The following GALNTL6 variants were observed in gnomAD, a reference collection of about 807,000 sequenced individuals.
GALNTL6 encodes polypeptide N-acetylgalactosaminyltransferase like 6, also known as polypeptide N-acetylgalactosaminyltransferase-like 6.
Under a neutral mutation model 73.7 loss-of-function variants are expected in GALNTL6, and 46 were observed. The observed-to-expected ratio is 0.62, with a 90% confidence interval of 0.49 to 0.80. The LOEUF is 0.80. Among genes scored for constraint, GALNTL6 ranks in the 30% least tolerant of loss-of-function variants. The probability of loss-of-function intolerance (pLI) is 0.00; values close to 1 mark genes in which losing one functional copy is unlikely to be tolerated. For missense variants in GALNTL6, 604 were observed against 755.0 expected, an observed-to-expected ratio of 0.80 and a Z score of 2.34; for synonymous variants, 259 against 263.7, an observed-to-expected ratio of 0.98 and a Z score of 0.17.
intron 7 of GALNTL6, among the ~76,000 whole-genome samples, chr4:172,824,370 GTGTGTGAGTGTGTGTGTGTGTGTGTT>G (rs1221505882): frequency 1.1e-5 from 1 of 90,726 alleles, no homozygotes; most frequent in Admixed American, 1.3e-4. Context: ...TAGTGTGTGT[GTGTGTGAGTGTGTGTGTGTGTGTGTT>G]TGTGTGTGTG....
rs574032811 is a variant in GALNTL6 at position 172,744,527 on chromosome 4, A to G, written c.554-64834A>G. 8.5e-5 allele frequency among the ~76,000 whole-genome samples: 13 copies of G among 152,266 alleles called. No homozygotes were observed. The South Asian group carries it at 1.0e-3, about 12-fold the overall frequency. On this transcript the variant is annotated intron_variant, in intron 5 of 12. Coordinates refer to ENST00000506823, the MANE Select transcript of GALNTL6 (RefSeq NM_001034845.3). ...ACTCTCTATTGTGATGACTCAAATC[A>G]GGGTTCTGGTCACCAGATCTAGAAG...
chr4:172,815,638 C>G (rs866600727), intron 7 of GALNTL6, among the ~76,000 whole-genome samples: 1 of 152,200 alleles, frequency 6.6e-6, no homozygotes, highest in Non-Finnish European at 1.5e-5. Flanking sequence ...CCTGCACTGA[C>G]AGTCAACATT....
chr4:172,501,345 A>T (rs1734253797), intron 5 of GALNTL6, among the ~76,000 whole-genome samples: 2 of 152,234 alleles, frequency 1.3e-5, no homozygotes, highest in South Asian at 4.1e-4. Context: ...TTAATCAAAA[A>T]TTTCAAACAT....
At chr4:172,993,439 C>T (rs570395422) in intron 10 of GALNTL6, among the ~76,000 whole-genome samples, 2 of 152,190 alleles carry the variant, frequency 1.3e-5, no homozygotes, top group Non-Finnish European at 2.9e-5. Context: ...TAGCTATATA[C>T]CAAAACCATT....
chr4:172,033,620 A>G (rs758655974), intron 2 of GALNTL6, among the ~76,000 whole-genome samples: 15 of 152,074 alleles, frequency 9.9e-5, no homozygotes, highest in Non-Finnish European at 1.8e-4. Flanking sequence ...TTATTTTTAT[A>G]TTTTAAAATA....
At chr4:172,691,313 G>A (rs1733274458) in intron 5 of GALNTL6, among the ~76,000 whole-genome samples, 1 of 152,156 alleles carries the variant, frequency 6.6e-6, no homozygotes, top group Admixed American at 6.5e-5. Flanking sequence ...ATAAGGTTGA[G>A]AAAACCATGG....
At chr4:172,405,852 T>C (rs1744221224) in intron 5 of GALNTL6, among the ~76,000 whole-genome samples, 1 of 152,032 alleles carries the variant, frequency 6.6e-6, no homozygotes, top group African/African-American at 2.4e-5. Flanking sequence ...CTTAACAGTT[T>C]AGTACATTGC....
At chr4:171,986,195 C>A (rs1011486455) in intron 2 of GALNTL6, among the ~76,000 whole-genome samples, 1 of 151,094 alleles carries the variant, frequency 6.6e-6, no homozygotes, top group African/African-American at 2.4e-5. Context: ...GGGCTGAGTC[C>A]GAAAAGAGAG....
intron 2 of GALNTL6, among the ~76,000 whole-genome samples, chr4:172,203,354 A>C (rs1315263046): frequency 6.6e-6 from 1 of 152,216 alleles, no homozygotes; most frequent in Non-Finnish European, 1.5e-5. Flanking sequence ...AATACTTGTC[A>C]AATTTGGCAG....
chr4:172,951,963 A>T, intron 9 of GALNTL6, 74 bp from the exon 10 acceptor site: 2 of 1,275,890 alleles, frequency 1.6e-6, no homozygotes, highest in Admixed American at 4.3e-5. Flanking sequence ...TCTTTTTTCA[A>T]TTTCTGGTGC....
rs140122309 is a variant in GALNTL6, at chr4:172,866,812, A to G, written c.924-15978A>G. Reference sequence around the variant, plus strand: ...CCCTAACAAGCACATTTTTCTCTAGACCATTTTCCCTGACCCACATTCCTG... The same window carrying G: ...CCCTAACAAGCACATTTTTCTCTAGGCCATTTTCCCTGACCCACATTCCTG... On this transcript the variant is annotated intron_variant, in intron 7 of 12. Coordinates refer to ENST00000506823, the MANE Select transcript of GALNTL6 (RefSeq NM_001034845.3). Among the ~76,000 whole-genome samples the G allele has an allele frequency of 2.9e-3, 434 of 152,174 alleles. 2 individuals carry two copies. The highest frequency in any genetic ancestry group is 0.01 in the Middle Eastern group (3 of 294).
At chr4:172,306,315 G>T (rs909491910) in intron 3 of GALNTL6, among the ~76,000 whole-genome samples, 1 of 152,068 alleles carries the variant, frequency 6.6e-6, no homozygotes, top group Non-Finnish European at 1.5e-5. Context: ...CTTGAACTTG[G>T]GAGGTGCAGC....
intron 4 of GALNTL6, among the ~76,000 whole-genome samples, chr4:172,326,402 A>G (rs1740943580): frequency 6.6e-6 from 1 of 151,944 alleles, no homozygotes; most frequent in African/African-American, 2.4e-5. Context: ...GTGCATAAAC[A>G]TTTTGGATTG....
At chr4:172,045,683 T>C (rs1742198530) in intron 2 of GALNTL6, among the ~76,000 whole-genome samples, 1 of 151,822 alleles carries the variant, frequency 6.6e-6, no homozygotes. Flanking sequence ...TCTCCATATT[T>C]ATAGGCAGTT....
chr4:172,283,721 A>G (rs368725378), intron 3 of GALNTL6, among the ~76,000 whole-genome samples: 1 of 152,204 alleles, frequency 6.6e-6, no homozygotes, highest in Non-Finnish European at 1.5e-5. Context: ...CCATATTTCT[A>G]ATGGAAATGT....
chr4:172,401,930 A>C (rs1333156014), intron 5 of GALNTL6, among the ~76,000 whole-genome samples: 5 of 94,904 alleles, frequency 5.3e-5, no homozygotes, highest in Non-Finnish European at 1.0e-4. Context: ...GGAGAGAGGG[A>C]GAGAGGGGGA....
intron 2 of GALNTL6, among the ~76,000 whole-genome samples, chr4:171,931,414 T>C (rs1738181350): frequency 6.6e-6 from 1 of 152,174 alleles, no homozygotes; most frequent in South Asian, 2.1e-4. Context: ...TGCAGACACA[T>C]AGAAAAGTAT....
At chr4:172,606,012 GC>G (rs5864142) in intron 5 of GALNTL6, among the ~76,000 whole-genome samples, 69,479 of 151,662 alleles carry the variant, frequency 0.46, 17,717 homozygotes, top group East Asian at 0.68. Context: ...GTGTATGTGG[GC>G]CCCCAGTCCA....
At chr4:172,769,288 A>T (rs1029309012) in intron 5 of GALNTL6, among the ~76,000 whole-genome samples, 1 of 152,182 alleles carries the variant, frequency 6.6e-6, no homozygotes, top group African/African-American at 2.4e-5. Flanking sequence ...AAGATATTTT[A>T]AAGATATTTT....
Sources: allele counts gnomAD v4.1 joint callset (sites outside exome capture counted in the v4.1 genomes callset), GRCh38; gene constraint gnomAD v4.1.1; transcripts MANE v1.5; gene names NCBI Gene and HGNC (gene_info 2026-07-23, HGNC 2026-07-21).